Variants in IFT43 observed in about 807,000 individuals in gnomAD.
IFT43 encodes the protein intraflagellar transport protein 43 homolog.
A neutral mutation model predicts 32.3 loss-of-function variants in IFT43; 33 were observed. The observed-to-expected ratio is 1.02, with a 90% CI of 0.77 to 1.37. The LOEUF (loss-of-function observed/expected upper bound fraction) is 1.37. Ranked by LOEUF, IFT43 falls within the 40% of genes most tolerant of loss-of-function variation. The pLI is 0.00. For missense variants in IFT43, 274 were observed against 265.9 expected, an observed-to-expected ratio of 1.03 and a Z score of -0.21; for synonymous variants, 93 against 98.2, an observed-to-expected ratio of 0.95 and a Z score of 0.31.
chr14:76,011,253 G>A (rs374489622), intron 2 of IFT43, among the ~76,000 whole-genome samples: 16 of 152,070 alleles, frequency 1.1e-4, no homozygotes, highest in East Asian at 3.8e-4. Flanking sequence ...GAAGAGATCA[G>A]GCCAGTTCTT....
At chr14:75,999,550 G>A (rs905449956) in intron 2 of IFT43, among the ~76,000 whole-genome samples, 2 of 151,882 alleles carry the variant, frequency 1.3e-5, no homozygotes, top group East Asian at 1.9e-4. Flanking sequence ...CATATTCTAA[G>A]TGGGGAACCA....
chr14:75,991,527 G>A (rs1187592590), intron 2 of IFT43, among the ~76,000 whole-genome samples: 1 of 151,758 alleles, frequency 6.6e-6, no homozygotes, highest in Non-Finnish European at 1.5e-5. Flanking sequence ...ATTAGGCCTT[G>A]AAGCCTTATA....
chr14:75,995,567 C>T (rs1452934709), intron 2 of IFT43, among the ~76,000 whole-genome samples: 4 of 152,218 alleles, frequency 2.6e-5, no homozygotes, highest in East Asian at 1.9e-4. Context: ...CAGCCTCACT[C>T]GGCCGGAGCT....
At chr14:76,080,711 C>T (rs987943669) in intron 5 of IFT43, among the ~76,000 whole-genome samples, 9 of 152,138 alleles carry the variant, frequency 5.9e-5, no homozygotes, top group East Asian at 1.9e-4. Flanking sequence ...GCCTGGGGAA[C>T]GGCATTCTCA....
chr14:76,002,111 G>A (rs2035897408), intron 2 of IFT43, among the ~76,000 whole-genome samples: 1 of 152,230 alleles, frequency 6.6e-6, no homozygotes, highest in South Asian at 2.1e-4. Context: ...GCTGGGCGTG[G>A]TGGCGCAGGC....
At chr14:76,002,870 G>A (rs1453128210) in intron 2 of IFT43, among the ~76,000 whole-genome samples, 5 of 152,346 alleles carry the variant, frequency 3.3e-5, no homozygotes, top group South Asian at 4.1e-4. Context: ...AGCTGCGAGA[G>A]CAACGAAGTC....
At position 76,080,955 on chromosome 14, in the gene IFT43, ATTTC is replaced by A. The variant is rs139017208; in HGVS notation, c.296-1334_296-1331del. Among the ~76,000 whole-genome samples, 492 of 151,826 alleles carry A rather than the reference ATTTC, an allele frequency of 3.2e-3. 1 individual carries two copies. Among genetic ancestry groups the A allele is most frequent in the African/African-American group, 0.011 (466 of 41,386 alleles). Reference sequence around the variant, plus strand: ...CTCTGCTTTATTTTCCCTAGCAGCAATTTCTTTCTATTTTTATCCCTTTTCACTC... The same window carrying A: ...CTCTGCTTTATTTTCCCTAGCAGCAATTTCTATTTTTATCCCTTTTCACTC... On this transcript the variant is annotated intron_variant, in intron 5 of 8. Transcript: ENST00000314067.
intron 3 of IFT43, among the ~76,000 whole-genome samples, chr14:76,025,868 C>T (rs1336767253): frequency 6.6e-6 from 1 of 152,078 alleles, no homozygotes. Flanking sequence ...CTAGGCAATA[C>T]CATTCTGGAC....
At chr14:76,059,839 C>T (rs1041813516) in intron 5 of IFT43, among the ~76,000 whole-genome samples, 5 of 152,202 alleles carry the variant, frequency 3.3e-5, no homozygotes, top group African/African-American at 7.2e-5. Flanking sequence ...GTTGTGGAAA[C>T]GAAGGCATGG....
chr14:75,988,844 A>T (rs763214519), intron 1 of IFT43, 41 bp from the exon 2 acceptor site: 1 of 1,612,954 alleles, frequency 6.2e-7, no homozygotes, highest in South Asian at 1.1e-5. Flanking sequence ...AGTGGCCCAA[A>T]TGACATTTGG....
At chr14:76,005,528 A>G (rs377200059) in intron 2 of IFT43, among the ~76,000 whole-genome samples, 54 of 152,240 alleles carry the variant, frequency 3.5e-4, no homozygotes, top group African/African-American at 1.3e-3. Context: ...GGTTTCTTGG[A>G]GTCTCCTTTA....
chr14:76,017,094 G>C (rs1038352770), intron 2 of IFT43, among the ~76,000 whole-genome samples: 1 of 152,142 alleles, frequency 6.6e-6, no homozygotes, highest in Non-Finnish European at 1.5e-5. Context: ...AATAAAAGTG[G>C]TGAAAGTGGA....
chr14:76,037,522 A>G (rs2036623312), intron 3 of IFT43, among the ~76,000 whole-genome samples: 1 of 152,222 alleles, frequency 6.6e-6, no homozygotes, highest in Non-Finnish European at 1.5e-5. Context: ...GCTGCTTGAA[A>G]TACATTTTAT....
At chr14:76,055,801 G>A (rs928392133) in intron 3 of IFT43, among the ~76,000 whole-genome samples, 4 of 152,170 alleles carry the variant, frequency 2.6e-5, no homozygotes, top group African/African-American at 9.6e-5. Flanking sequence ...CCTAAAACAC[G>A]CTCCCCACTT....
intron 5 of IFT43, among the ~76,000 whole-genome samples, chr14:76,061,711 T>C (rs1175193515): frequency 6.6e-6 from 1 of 152,230 alleles, no homozygotes; most frequent in Non-Finnish European, 1.5e-5. Context: ...ATGTTTTCTT[T>C]CATCCTTGAT....
chr14:76,052,653 A>G (rs1182244993), intron 3 of IFT43, among the ~76,000 whole-genome samples: 3 of 152,212 alleles, frequency 2.0e-5, no homozygotes, highest in African/African-American at 4.8e-5. Context: ...TCACACCGTC[A>G]AATGTCAGTG....
intron 1 of IFT43, among the ~76,000 whole-genome samples, chr14:75,988,587 C>T (rs1436691109): frequency 2.0e-5 from 3 of 152,098 alleles, no homozygotes; most frequent in Non-Finnish European, 4.4e-5. Context: ...GGCACAATTT[C>T]GGCTCACTGC....
chr14:76,059,143 C>G (rs188522670), intron 4 of IFT43, 184 bp from the exon 5 acceptor site: 1 of 1,512,172 alleles, frequency 6.6e-7, no homozygotes, highest in Non-Finnish European at 8.8e-7. Context: ...GTGCATCGCA[C>G]AGCCTGTGCA....
At chr14:76,036,408 C>CTTTTTTTTT (rs3086747) in intron 3 of IFT43, among the ~76,000 whole-genome samples, 9 of 119,728 alleles carry the variant, frequency 7.5e-5, no homozygotes, top group Admixed American at 1.8e-4. Context: ...TTCTGTCTTT[C>CTTTTTTTTT]TTTTTTTTTT....
Sources: gnomAD v4.1 joint callset for allele counts (sites outside exome capture counted in the v4.1 genomes callset) on GRCh38, gnomAD v4.1.1 for gene constraint, MANE v1.5 for transcripts, NCBI Gene and HGNC (gene_info 2026-07-23, HGNC 2026-07-21) for gene names.